MBNL3: variants seen among roughly 807,000 people sequenced by gnomAD.
MBNL3 encodes the protein muscleblind like splicing regulator 3.
MBNL3 carries 6 observed loss-of-function variants against 24.5 expected under a neutral mutation model. The observed-to-expected ratio is 0.25, with a 90% CI of 0.13 to 0.48. The LOEUF is 0.48. Among genes scored for constraint, MBNL3 ranks in the 20% least tolerant of loss-of-function variants. MBNL3 has a pLI of 0.99. For missense variants in MBNL3, 230 were observed against 293.5 expected, an observed-to-expected ratio of 0.78 and a Z score of 1.58; for synonymous variants, 100 against 101.7, an observed-to-expected ratio of 0.98 and a Z score of 0.10.
chrX:132,410,077 A>C (rs1300122802), intron 2 of MBNL3, among the ~76,000 whole-genome samples: 2 of 112,046 alleles, frequency 1.8e-5, no homozygotes, highest in Admixed American at 1.9e-4. Flanking sequence ...AGCCGATGAC[A>C]TTTCTGAAGT....
At chrX:132,411,842 T>C (rs1040844214) in intron 2 of MBNL3, among the ~76,000 whole-genome samples, 1 of 111,806 alleles carries the variant, frequency 8.9e-6, no homozygotes, top group African/African-American at 3.3e-5. Flanking sequence ...GGGATGTGTG[T>C]GTGCCTGATG....
intron 7 of MBNL3, among the ~76,000 whole-genome samples, chrX:132,382,917 T>C (rs1935286253): frequency 8.9e-6 from 1 of 112,258 alleles, no homozygotes; most frequent in East Asian, 2.8e-4. Context: ...CTGGGAAACT[T>C]TGGCCATTTA....
At chrX:132,421,095 C>T (rs1396574402) in intron 2 of MBNL3, among the ~76,000 whole-genome samples, 3 of 111,592 alleles carry the variant, frequency 2.7e-5, no homozygotes, top group Admixed American at 9.5e-5. Flanking sequence ...ATTCTCCAAT[C>T]GTGTTAACTT....
At chrX:132,392,681 A>G (rs1937381908) in intron 3 of MBNL3, among the ~76,000 whole-genome samples, 1 of 112,017 alleles carries the variant, frequency 8.9e-6, no homozygotes, top group African/African-American at 3.2e-5. Flanking sequence ...GACATTACAC[A>G]TATGGACAAT....
At chrX:132,489,735 C>A (rs1419510536), upstream of MBNL3, 1 of 108,660 alleles carries the variant, frequency 9.2e-6, no homozygotes, top group African/African-American at 3.3e-5. Context: ...ATCCGGAGCG[C>A]CGGACTCGGA....
intron 1 of MBNL3, among the ~76,000 whole-genome samples, chrX:132,460,091 A>G (rs1450752723): frequency 9.0e-6 from 1 of 111,560 alleles, no homozygotes; most frequent in Non-Finnish European, 1.9e-5. Flanking sequence ...ATCCTTAGAG[A>G]CTATAGTAAA....
intron 7 of MBNL3, 148 bp from the exon 8 acceptor site, chrX:132,382,420 T>C (rs1376872607): frequency 7.5e-6 from 3 of 402,289 alleles, no homozygotes; most frequent in Non-Finnish European, 1.3e-5. Context: ...GTTCATGCAA[T>C]CACAGTCAGT....
rs1933428285 is a variant in MBNL3, at chrX:132,369,506, T to C, written c.*10160A>G. The stretch of plus-strand genomic sequence containing the variant: ...GTTAAAGGCAAAGTCTTAGTCCCCA[T>C]CTTATGCTTTCCCACCCTCTTCTTG... On this transcript the variant is annotated 3_prime_UTR_variant, in exon 9 of 9. Transcript: ENST00000370853. 1 of 111,326 alleles carries C rather than the reference T, an allele frequency of 9.0e-6. No homozygotes were observed. The highest frequency in any genetic ancestry group is 9.6e-5 in the Admixed American group (1 of 10,442). 9.2% of individuals were successfully genotyped at this position (111,326 alleles called of 1,213,427 possible).
intron 1 of MBNL3, among the ~76,000 whole-genome samples, chrX:132,449,621 T>C (rs1163170181): frequency 9.1e-6 from 1 of 109,511 alleles, no homozygotes; most frequent in Non-Finnish European, 1.9e-5. Flanking sequence ...CCAGTCTGTG[T>C]CTTTTGTTTA....
chrX:132,420,961 TG>T (rs1271551390), intron 2 of MBNL3, among the ~76,000 whole-genome samples: 1 of 112,283 alleles, frequency 8.9e-6, no homozygotes, highest in Non-Finnish European at 1.9e-5. Context: ...TGTCCTCTAA[TG>T]TATTTGTTCC....
At chrX:132,385,948 A>G (rs1436348863) in intron 6 of MBNL3, among the ~76,000 whole-genome samples, 1 of 110,439 alleles carries the variant, frequency 9.1e-6, no homozygotes, top group Non-Finnish European at 1.9e-5. Flanking sequence ...AGAATTTTCA[A>G]TTTATTCCTA....
chrX:132,447,992 G>A (rs776514981), intron 1 of MBNL3, among the ~76,000 whole-genome samples: 1 of 112,101 alleles, frequency 8.9e-6, no homozygotes, highest in Non-Finnish European at 1.9e-5. Flanking sequence ...GGCCTTTTCT[G>A]CATCTATTGA....
chrX:132,436,463 T>C (rs982533625), intron 2 of MBNL3, among the ~76,000 whole-genome samples: 1 of 112,098 alleles, frequency 8.9e-6, no homozygotes, highest in African/African-American at 3.2e-5. Context: ...GTAGAGTAGC[T>C]AGTACTAATA....
chrX:132,467,567 A>G (rs1238730881), intron 1 of MBNL3, among the ~76,000 whole-genome samples: 1 of 112,318 alleles, frequency 8.9e-6, no homozygotes, highest in Admixed American at 9.4e-5. Context: ...TTTACATTTA[A>G]CAGCAATATA....
In MBNL3 at chrX:132,390,961, G is replaced by A. The variant is rs1937077169; in HGVS notation, c.657C>T (p.Tyr219=). The A allele has an allele frequency of 8.3e-7, 1 of 1,211,060 alleles. No homozygotes were observed. The highest frequency in any genetic ancestry group is 1.1e-6 in the Non-Finnish European group (1 of 895,123). ...TCTCCCGCGAGCATCGACCTTTGATGTAATCCATGCAGATTGTCACAGTAT... is the reference window on the plus strand; with the variant it reads ...TCTCCCGCGAGCATCGACCTTTGATATAATCCATGCAGATTGTCACAGTAT... The part of the protein sequence containing the change: ...SDNTVTICMD[Y]IKGRCSREKC... The change falls in exon 5 of 9, where the codon TAC becomes TAT. Residue 219 remains tyrosine, a synonymous_variant. Coordinates refer to ENST00000370853, the MANE Select transcript of MBNL3 (RefSeq NM_001386889.1).
At chrX:132,403,253 G>A (rs1379788957) in intron 3 of MBNL3, among the ~76,000 whole-genome samples, 1 of 111,763 alleles carries the variant, frequency 8.9e-6, no homozygotes, top group Middle Eastern at 4.2e-3. Flanking sequence ...CTACAAAGTG[G>A]CTTCCTTAGA....
At chrX:132,461,390 G>A (rs1199115252) in intron 1 of MBNL3, among the ~76,000 whole-genome samples, 1 of 111,037 alleles carries the variant, frequency 9.0e-6, no homozygotes, top group African/African-American at 3.3e-5. Flanking sequence ...ACCCCCAAAC[G>A]ACCACACAAG....
chrX:132,401,169 G>A (rs1940847764), intron 3 of MBNL3, among the ~76,000 whole-genome samples: 1 of 111,431 alleles, frequency 9.0e-6, no homozygotes, highest in Non-Finnish European at 1.9e-5. Flanking sequence ...AATAATAATT[G>A]TTAATAAAAG....
chrX:132,485,623 C>A (rs1300450337), intron 1 of MBNL3, among the ~76,000 whole-genome samples: 1 of 112,036 alleles, frequency 8.9e-6, no homozygotes, highest in Non-Finnish European at 1.9e-5. Flanking sequence ...CATCTGGTAT[C>A]CTTAAGACCT....
Sources: allele counts gnomAD v4.1 joint callset (sites outside exome capture counted in the v4.1 genomes callset), GRCh38; gene constraint gnomAD v4.1.1; transcripts MANE v1.5; gene names NCBI Gene and HGNC (gene_info 2026-07-23, HGNC 2026-07-21).